Variants in KLF8 observed in about 807,000 individuals in gnomAD.
The protein encoded by KLF8 is KLF transcription factor 8, also known as Krueppel-like factor 8.
KLF8 carries 10 observed loss-of-function variants against 18.2 expected under a neutral mutation model. The observed-to-expected ratio is 0.55, with a 90% CI of 0.34 to 0.93. The LOEUF is 0.93. Ranked by LOEUF, KLF8 falls within the 40% of genes least tolerant of loss-of-function variation. KLF8 has a pLI of 0.02. For synonymous variants in KLF8, 109 were observed against 97.3 expected, an observed-to-expected ratio of 1.12 and a Z score of -0.71; for missense variants, 264 against 277.9, an observed-to-expected ratio of 0.95 and a Z score of 0.36.
chrX:56,183,622 G>A, the KLF8 span, among the ~76,000 whole-genome samples: 4 of 110,681 alleles, frequency 3.6e-5, no homozygotes, highest in African/African-American at 9.9e-5. Context: ...GTATTTACAG[G>A]CCTCATGGTA....
the KLF8 span, among the ~76,000 whole-genome samples, chrX:56,170,912 A>G: frequency 2.7e-5 from 3 of 112,082 alleles, no homozygotes; most frequent in Non-Finnish European, 5.6e-5. Context: ...GTCAGAGATG[A>G]AGAAAGCATC....
chrX:56,170,395 G>T, the KLF8 span, among the ~76,000 whole-genome samples: 1 of 110,741 alleles, frequency 9.0e-6, no homozygotes. Flanking sequence ...TTCAGAAAGA[G>T]AATTGAAAAT....
the KLF8 span, among the ~76,000 whole-genome samples, chrX:56,162,536 G>T: frequency 9.0e-6 from 1 of 111,552 alleles, no homozygotes; most frequent in Non-Finnish European, 1.9e-5. Flanking sequence ...CTGGCAATGA[G>T]CGAGGCTCTG....
At chrX:55,942,784 G>A in the KLF8 span, among the ~76,000 whole-genome samples, 1 of 112,211 alleles carries the variant, frequency 8.9e-6, no homozygotes, top group African/African-American at 3.2e-5. Flanking sequence ...GCCAACAAGT[G>A]CAAAGGCCCT....
At chrX:56,022,551 CAAAA>C in the KLF8 span, among the ~76,000 whole-genome samples, 1 of 27,307 alleles carries the variant, frequency 3.7e-5, no homozygotes, top group African/African-American at 1.0e-4. Context: ...TCTGTCTGAC[CAAAA>C]AAAAAAAAAA....
chrX:56,211,427 G>A, the KLF8 span, among the ~76,000 whole-genome samples: 5 of 112,468 alleles, frequency 4.4e-5, no homozygotes, highest in African/African-American at 1.6e-4. Context: ...GGAGTGGAGT[G>A]ACACAAGAAC....
chrX:56,116,281 A>G, the KLF8 span, among the ~76,000 whole-genome samples: 1 of 112,546 alleles, frequency 8.9e-6, no homozygotes, highest in Non-Finnish European at 1.9e-5. Context: ...GGATTCTGAG[A>G]GAAAGGCTGG....
chrX:56,045,942 T>G, the KLF8 span, among the ~76,000 whole-genome samples: 1 of 111,907 alleles, frequency 8.9e-6, no homozygotes, highest in East Asian at 2.8e-4. Flanking sequence ...GGGGGAATGC[T>G]TTCATCTTTT....
chrX:56,064,083 G>GTATATATATACATATATACATATATACA, the KLF8 span, among the ~76,000 whole-genome samples: 7 of 105,125 alleles, frequency 6.7e-5, no homozygotes, highest in Non-Finnish European at 1.4e-4. Flanking sequence ...ATACATGTGT[G>GTATATATATACATATATACATATATACA]TGTATATATA....
the KLF8 span, among the ~76,000 whole-genome samples, chrX:56,084,777 G>A: frequency 8.9e-6 from 1 of 112,066 alleles, no homozygotes; most frequent in Non-Finnish European, 1.9e-5. Flanking sequence ...AGAGAGAAAA[G>A]CATTTAAATG....
the KLF8 span, among the ~76,000 whole-genome samples, chrX:56,027,691 A>G: frequency 8.9e-6 from 1 of 112,228 alleles, no homozygotes; most frequent in Non-Finnish European, 1.9e-5. Flanking sequence ...CCGTCTACGT[A>G]TAACTCCCAG....
At chrX:56,147,247 G>T in the KLF8 span, among the ~76,000 whole-genome samples, 1 of 111,634 alleles carries the variant, frequency 9.0e-6, no homozygotes, top group Non-Finnish European at 1.9e-5. Context: ...GTGACGGAAA[G>T]AGCATAAAAG....
the KLF8 span, among the ~76,000 whole-genome samples, chrX:56,058,298 A>G: frequency 4.0e-5 from 3 of 74,537 alleles, no homozygotes; most frequent in Admixed American, 1.6e-4. Context: ...ATATATATAT[A>G]TATATATATA....
chrX:55,929,627 C>T, the KLF8 span, among the ~76,000 whole-genome samples: 2 of 111,626 alleles, frequency 1.8e-5, no homozygotes, highest in African/African-American at 6.5e-5. Flanking sequence ...AACAGGGAAT[C>T]CTATCCCCAT....
chrX:55,994,715 G>T, the KLF8 span, among the ~76,000 whole-genome samples: 1 of 111,708 alleles, frequency 9.0e-6, no homozygotes, highest in Admixed American at 9.5e-5. Context: ...TAATTTCAAT[G>T]TAATTGTATG....
the KLF8 span, among the ~76,000 whole-genome samples, chrX:56,129,933 C>A: frequency 1.8e-5 from 2 of 110,217 alleles, no homozygotes; most frequent in Admixed American, 1.9e-4. Context: ...CATGACATAG[C>A]AGAGCAGCCA....
At position 56,287,986 on chromosome X, in the gene KLF8, C is replaced by G. The variant is rs1303888482; in HGVS notation, c.*3492C>G. 9.0e-6 allele frequency: 1 copy of G among 111,666 alleles called. No homozygotes were observed. Among genetic ancestry groups the G allele is most frequent in the Non-Finnish European group, 1.9e-5 (1 of 53,135 alleles). The allele number at this position is 111,666 out of a possible 1,213,427, so 9.2% of individuals were successfully genotyped here. A position where few individuals can be genotyped will look rare whatever the true frequency, so the allele number is the denominator to read the frequency against. ...GGCACTGTGGCTCACACCTGTAATC[C>G]CAGCACTTTGGGAGGCCAAGACGGG... On this transcript the variant is annotated 3_prime_UTR_variant, in exon 6 of 6. Transcript: ENST00000468660.
chrX:56,132,265 A>G, the KLF8 span, among the ~76,000 whole-genome samples: 1 of 111,866 alleles, frequency 8.9e-6, no homozygotes, highest in African/African-American at 3.2e-5. Flanking sequence ...AAATTTAAGA[A>G]AATTGAAATT....
chrX:56,055,778 C>G, the KLF8 span, among the ~76,000 whole-genome samples: 1 of 111,152 alleles, frequency 9.0e-6, no homozygotes, highest in Non-Finnish European at 1.9e-5. Context: ...TTTTTTTTCT[C>G]TCTTCTTGTC....
Sources: allele counts gnomAD v4.1 joint callset (sites outside exome capture counted in the v4.1 genomes callset), GRCh38; gene constraint gnomAD v4.1.1; transcripts MANE v1.5; gene names NCBI Gene and HGNC (gene_info 2026-07-23, HGNC 2026-07-21).